MUC22: variants seen among roughly 807,000 people sequenced by gnomAD.
MUC22 encodes mucin-22.
MUC22 carries 24 observed loss-of-function variants against 40.3 expected under a neutral mutation model. The ratio of observed to expected loss-of-function variants is 0.60; its 90% CI spans 0.43 to 0.84. The LOEUF is 0.84. MUC22 is among the 40% of genes least tolerant of loss of function. The pLI is 0.00. For missense variants in MUC22, 1,926 were observed against 2,130.7 expected (o/e 0.90, Z 1.89); for synonymous variants, 765 against 844.5 (o/e 0.91, Z 1.63).
chr6:31,007,213 T>C (rs1763577010), upstream of MUC22, among the ~76,000 whole-genome samples: 1 of 146,754 alleles, frequency 6.8e-6, no homozygotes, highest in Admixed American at 7.0e-5. The surrounding 1 kb of genome is among the most constrained non-coding windows in gnomAD (Gnocchi z 4.0). Context: ...AAATTGTTTT[T>C]GAACGTATAC....
intron 1 of MUC22, among the ~76,000 whole-genome samples, chr6:31,013,142 T>TTC (rs995295387): frequency 6.7e-6 from 1 of 148,660 alleles, no homozygotes; most frequent in Non-Finnish European, 1.5e-5. Flanking sequence ...TTTTTTTTTT[T>TTC]TGGAGATGGA....
intron 1 of MUC22, among the ~76,000 whole-genome samples, chr6:31,021,154 G>T (rs1335950598): frequency 6.6e-6 from 1 of 152,264 alleles, no homozygotes; most frequent in African/African-American, 2.4e-5. Flanking sequence ...GCCCCGGGGC[G>T]GGATCCACTG....
At chr6:31,019,555 T>C (rs1764517186) in intron 1 of MUC22, among the ~76,000 whole-genome samples, 1 of 152,134 alleles carries the variant, frequency 6.6e-6, no homozygotes, top group Non-Finnish European at 1.5e-5. Context: ...CAGAGAAGGA[T>C]ATAAGAAACT....
rs1765398132 is a variant in MUC22, at chr6:31,026,729, G to T, written c.1298G>T (p.Gly433Val). Reference sequence around the variant, plus strand: ...GAGATGACCACAGTCTTCACTGCAGGCTCGGAAACCATCACACCCTCTACT... The same window carrying T: ...GAGATGACCACAGTCTTCACTGCAGTCTCGGAAACCATCACACCCTCTACT... Residue 433 changes from glycine (G) to valine (V), a missense_variant, in exon 2 of 4, where the codon GGC becomes GTC. Gly to Val is a moderately radical substitution (Grantham distance 109). Around this residue, in one of 3 missense-constraint regions of MUC22, gnomAD observed 1,281 missense variants for 1,337.8 expected, o/e 0.96. Coordinates refer to ENST00000561890, the Ensembl canonical transcript of MUC22. The T allele has an allele frequency of 1.5e-5, 22 of 1,503,876 alleles. 4 individuals are homozygous for T. Among genetic ancestry groups the T allele is most frequent in the Non-Finnish European group, 1.9e-5 (21 of 1,127,144 alleles). 93.2% of individuals were successfully genotyped at this position (1,503,876 alleles called of 1,614,324 possible). A position where few individuals can be genotyped will look rare whatever the true frequency, so the allele number is the denominator to read the frequency against.
At chr6:31,013,838 C>G (rs1562573574) in intron 1 of MUC22, among the ~76,000 whole-genome samples, 1 of 152,118 alleles carries the variant, frequency 6.6e-6, no homozygotes, top group Non-Finnish European at 1.5e-5. Flanking sequence ...CATAAATTCT[C>G]TTACTACCAT....
exon 2 of MUC22, chr6:31,029,454 A>C: frequency 6.5e-7 from 1 of 1,534,548 alleles, no homozygotes; most frequent in Non-Finnish European, 8.7e-7. Context: ...TCTCCACCTC[A>C]GGCTCTGGGA....
upstream of MUC22, among the ~76,000 whole-genome samples, chr6:31,009,433 C>T (rs543149893): frequency 1.7e-3 from 257 of 152,286 alleles, 2 homozygotes; most frequent in African/African-American, 5.9e-3. Flanking sequence ...GTGCCACATT[C>T]TTATCACCCC....
Position 31,030,115 on chromosome 6 carries a change from G to A in MUC22, c.4669+15G>A, listed in dbSNP as rs2150806682. 1 of 1,497,924 alleles carries A rather than the reference G, an allele frequency of 6.7e-7. No homozygotes were observed. The highest frequency in any genetic ancestry group is 1.3e-5 in the South Asian group (1 of 77,086). 92.8% of individuals were successfully genotyped at this position (1,497,924 alleles called of 1,614,324 possible). The stretch of plus-strand genomic sequence containing the variant: ...ACCTATGTCAGGTACTAACCCCCAT[G>A]TCTTCTTTGAGCCCACACATTTTAA... On this transcript the variant is annotated intron_variant, in intron 2 of 3. Transcript: ENST00000561890.
chr6:31,019,723 G>A (rs4713415), intron 1 of MUC22, among the ~76,000 whole-genome samples: 22,140 of 152,168 alleles, frequency 0.15, 1,772 homozygotes, highest in African/African-American at 0.19. Context: ...GTGTGGTAGC[G>A]CATGTCTGTA....
chr6:31,018,245 G>T (rs1207216469), intron 1 of MUC22, among the ~76,000 whole-genome samples: 1 of 152,180 alleles, frequency 6.6e-6, no homozygotes, highest in Non-Finnish European at 1.5e-5. Flanking sequence ...AGGAAGAGAG[G>T]TGTATTCATC....
chr6:31,023,126 A>C (rs1258721877), intron 1 of MUC22, among the ~76,000 whole-genome samples: 2 of 151,464 alleles, frequency 1.3e-5, no homozygotes, highest in Non-Finnish European at 2.9e-5. Flanking sequence ...CAAGACGCTC[A>C]AAAAACAAAA....
rs1455771084 is a variant in MUC22 at position 31,011,105 on chromosome 6, T to G, written c.70+329T>G. Among the ~76,000 whole-genome samples the G allele has an allele frequency of 6.6e-6, 1 of 152,114 alleles. No homozygotes were observed. Among genetic ancestry groups the G allele is most frequent in the Non-Finnish European group, 1.5e-5 (1 of 68,014 alleles). ...TGTATCTTGGATAAAAGTTTTTTTT[T>G]TTAACCGGAAAACTCTAGTTCCAAT... On this transcript the variant is annotated intron_variant, in intron 1 of 3. Coordinates refer to ENST00000561890, the Ensembl canonical transcript of MUC22. The surrounding 1 kb of genome is among the most constrained non-coding windows in gnomAD (Gnocchi z 4.5).
At chr6:31,008,426 G>A (rs75570972), upstream of MUC22, among the ~76,000 whole-genome samples, 17,894 of 152,084 alleles carry the variant, frequency 0.12, 1,227 homozygotes, top group African/African-American at 0.16. Flanking sequence ...CTCAGAGGAC[G>A]TGCAGGAAAG....
At chr6:31,007,876 C>T (rs1461921927), upstream of MUC22, among the ~76,000 whole-genome samples, 1 of 152,176 alleles carries the variant, frequency 6.6e-6, no homozygotes, top group Admixed American at 6.5e-5. The surrounding 1 kb of genome is among the most constrained non-coding windows in gnomAD (Gnocchi z 4.0). Flanking sequence ...AAAATGTTCT[C>T]GGACCAGTCA....
upstream of MUC22, among the ~76,000 whole-genome samples, chr6:31,009,363 G>A (rs1449475729): frequency 2.6e-5 from 4 of 151,996 alleles, no homozygotes; most frequent in East Asian, 3.8e-4. Flanking sequence ...CACCGCACCC[G>A]GCCAATTGTT....
chr6:31,027,827 C>T lies in MUC22; in HGVS notation c.2396C>T (p.Ser799Phe), dbSNP rs1415623954. The change falls in exon 2 of 4, where the codon TCC becomes TTC. Residue 799 changes from serine (S) to phenylalanine (F), a missense_variant. Ser to Phe is a radical substitution (Grantham distance 155, BLOSUM62 -2). This residue lies in a region of MUC22 where 1,281 missense variants were observed against 1,337.8 expected (regional missense o/e 0.96). Transcript: ENST00000561890. The stretch of plus-strand genomic sequence containing the variant: ...ACAGGCTCTGAGACCACTACAGTTT[C>T]CACCACAGGCTTGGAGACCACCACC... The T allele has an allele frequency of 2.0e-6, 3 of 1,534,922 alleles. 1 individual carries two copies. The highest frequency in any genetic ancestry group is 2.6e-6 in the Non-Finnish European group (3 of 1,146,614).
chr6:31,014,663 G>A (rs1385155748), intron 1 of MUC22, among the ~76,000 whole-genome samples: 2 of 152,146 alleles, frequency 1.3e-5, no homozygotes, highest in East Asian at 1.9e-4. Context: ...TGAAAAACAA[G>A]TTTATTTTTC....
chr6:31,022,323 C>T (rs1277372098), intron 1 of MUC22, among the ~76,000 whole-genome samples: 2 of 152,092 alleles, frequency 1.3e-5, no homozygotes, highest in East Asian at 1.9e-4. Context: ...CCACACCATG[C>T]CTGGCTAATT....
chr6:31,015,312 T>C (rs1764116634), intron 1 of MUC22, among the ~76,000 whole-genome samples: 1 of 152,020 alleles, frequency 6.6e-6, no homozygotes, highest in South Asian at 2.1e-4. Context: ...TGTTAAGATG[T>C]CAAAACATGA....
Sources: gnomAD v4.1 joint callset for allele counts (sites outside exome capture counted in the v4.1 genomes callset) on GRCh38, gnomAD v4.1.1 for gene constraint, gnomAD v4.1.1 regional missense constraint, Gnocchi (gnomAD v3.1) non-coding constraint, MANE v1.5 for transcripts, NCBI Gene and HGNC (gene_info 2026-07-23, HGNC 2026-07-21) for gene names.